Variants in BARD1 observed in about 807,000 individuals in gnomAD.
BARD1 encodes BRCA1-associated RING domain protein 1.
BARD1 carries 73 observed loss-of-function variants against 77.0 expected under a neutral mutation model. The observed-to-expected ratio is 0.95, with a 90% CI of 0.79 to 1.15. The LOEUF (loss-of-function observed/expected upper bound fraction) is 1.15. Among genes scored for constraint, BARD1 ranks in the 50% most tolerant of loss-of-function variants. The pLI is 0.00. For missense variants in BARD1, 993 were observed against 938.8 expected (o/e 1.06, Z -0.75); for synonymous variants, 384 against 338.0 (o/e 1.14, Z -1.49).
chr2:214,734,433 A>G lies in BARD1; in HGVS notation c.1904-3925T>C, dbSNP rs552553008. On this transcript the variant is annotated intron_variant, in intron 9 of 10. Coordinates refer to ENST00000260947, the MANE Select transcript of BARD1 (RefSeq NM_000465.4). ...CTGAGTAGAATTTATTTGATTGTAT[A>G]TAAGTTTATTTTACACCTGTAAATA... 2.0e-5 allele frequency among the ~76,000 whole-genome samples: 3 copies of G among 152,278 alleles called. 1 individual carries two copies. Among genetic ancestry groups the G allele is most frequent in the South Asian group, 4.1e-4 (2 of 4,824 alleles).
rs879253930 is a variant in BARD1, at chr2:214,781,506, A to C, written c.368T>G (p.Leu123Trp). 2.5e-6 allele frequency: 4 copies of C among 1,607,186 alleles called. No homozygotes were observed. Among genetic ancestry groups the C allele is most frequent in the Non-Finnish European group, 3.4e-6 (4 of 1,176,200 alleles). Residue 123 changes from leucine (L) to tryptophan (W), a missense_variant, in exon 4 of 11, where the codon TTG (leucine) becomes TGG (tryptophan). Physicochemically the swap from Leu to Trp is moderately conservative, Grantham distance 61 (BLOSUM62 -2). Coordinates refer to ENST00000260947, the MANE Select transcript of BARD1 (RefSeq NM_000465.4). Reference sequence around the variant, plus strand: ...ACTTTTCCTAGGTTTATCTTCTTTCAAATCTGACAGAAAAAAAGAAAAAGA... The same window carrying C: ...ACTTTTCCTAGGTTTATCTTCTTTCCAATCTGACAGAAAAAAAGAAAAAGA... ...NLLHDNELSD[L>W]KEDKPRKSLF...
In BARD1 at chr2:214,757,721, C is replaced by A. The variant is rs147524683; in HGVS notation, c.1569-5166G>T. ...TACTTTGAAAAAAATGTACCAACAA[C>A]TTTTGGCACTATAGAAACAATGTCC... is the stretch of plus-strand genomic sequence containing the variant. On this transcript the variant is annotated intron_variant, in intron 6 of 10. Transcript: ENST00000260947. 1.9e-3 allele frequency among the ~76,000 whole-genome samples: 286 copies of A among 152,180 alleles called. 1 individual carries two copies. The highest frequency in any genetic ancestry group is 0.011 in the Admixed American group (167 of 15,282).
In BARD1 at chr2:214,769,152, GATAT is replaced by G. The variant is rs1257719867; in HGVS notation, c.1395+76_1395+79del. ...AAAAAGAGTATATGTGGCAGAGGAT[GATAT>G]ATAGACAACTACATAACTATAAACT... On this transcript the variant is annotated intron_variant, in intron 5 of 10. Coordinates refer to ENST00000260947, the MANE Select transcript of BARD1 (RefSeq NM_000465.4). The G allele has an allele frequency of 3.4e-6, 4 of 1,171,768 alleles. No homozygotes were observed. In the East Asian group the frequency reaches 9.5e-5, roughly 28 times the overall value. The allele number at this position is 1,171,768 out of a possible 1,614,324, so 72.6% of individuals were successfully genotyped here. A position where few individuals can be genotyped will look rare whatever the true frequency, so the allele number is the denominator to read the frequency against.
At chr2:214,759,914 TA>T (rs1237023084) in intron 6 of BARD1, among the ~76,000 whole-genome samples, 1 of 152,170 alleles carries the variant, frequency 6.6e-6, no homozygotes, top group African/African-American at 2.4e-5. Context: ...TGCCTTGCCT[TA>T]TAAGGTTTCA....
rs2105987601 is a variant in BARD1, at chr2:214,728,925, G to A, written c.2085C>T (p.Val695=). 2 of 1,614,158 alleles carry A rather than the reference G, an allele frequency of 1.2e-6. No homozygotes were observed. The highest frequency in any genetic ancestry group is 2.2e-5 in the East Asian group (1 of 44,880). The change falls in exon 11 of 11, where the codon GTC becomes GTT. Residue 695 remains valine (V), a synonymous_variant. Transcript: ENST00000260947. Reference sequence around the variant, plus strand: ...TGAGGATCTGGCCCCCACCTGCAGTGACGAGCTTAATAAGGTTGTCCTTTG... The same window carrying A: ...TGAGGATCTGGCCCCCACCTGCAGTAACGAGCTTAATAAGGTTGTCCTTTG... ...HHPKDNLIKL[V]TAGGGQILSR...
At chr2:214,798,471 T>A (rs1695859972) in intron 1 of BARD1, among the ~76,000 whole-genome samples, 1 of 152,020 alleles carries the variant, frequency 6.6e-6, no homozygotes, top group South Asian at 2.1e-4. Flanking sequence ...TACTGAATTC[T>A]ATTTCGTGGC....
chr2:214,759,602 T>C (rs1424739727), intron 6 of BARD1, among the ~76,000 whole-genome samples: 1 of 152,092 alleles, frequency 6.6e-6, no homozygotes, highest in African/African-American at 2.4e-5. Context: ...GCAAGACATA[T>C]AAAAACAGTA....
rs768793837 is a variant in BARD1 at position 214,745,805 on chromosome 2, C to G, written c.1727G>C (p.Gly576Ala). 2 of 1,613,930 alleles carry G rather than the reference C, an allele frequency of 1.2e-6. No individual in the cohort carries two copies. Among genetic ancestry groups the G allele is most frequent in the South Asian group, 1.1e-5 (1 of 91,076 alleles). ...CATTTTCTGTTGTTCTGAAGACAGC[C>G]CACTGCCTATAAGTACAAGAGGTCC... ...RDGPLVLIGS[G>A]LSSEQQKMLS... Residue 576 changes from glycine to alanine, a missense_variant, in exon 8 of 11, where the codon GGG (glycine) becomes GCG (alanine). Coordinates refer to ENST00000260947, the MANE Select transcript of BARD1 (RefSeq NM_000465.4).
At chr2:214,747,409 A>T (rs1693176225) in intron 7 of BARD1, among the ~76,000 whole-genome samples, 1 of 138,922 alleles carries the variant, frequency 7.2e-6, no homozygotes, top group Admixed American at 7.5e-5. Flanking sequence ...ATGCACACGT[A>T]TGTTTACTGC....
At chr2:214,740,397 C>A (rs573019761) in intron 9 of BARD1, among the ~76,000 whole-genome samples, 1 of 134,816 alleles carries the variant, frequency 7.4e-6, no homozygotes, top group Non-Finnish European at 1.6e-5. Flanking sequence ...AAAATTTCAA[C>A]GTATTAATTT....
rs1693737837 is a variant in BARD1, at chr2:214,757,299, T to G, written c.1569-4744A>C. On this transcript the variant is annotated intron_variant, in intron 6 of 10. Coordinates refer to ENST00000260947, the MANE Select transcript of BARD1 (RefSeq NM_000465.4). ...CTGGCAGATTTCACCAGTTTTTTTT[T>G]TTTCTAATGTACTCTTGCGCTATTC... Among the ~76,000 whole-genome samples, 7 of 152,242 alleles carry G rather than the reference T, an allele frequency of 4.6e-5. No individual in the cohort carries two copies. In the South Asian group the frequency reaches 1.2e-3, roughly 27 times the overall value.
At chr2:214,794,595 A>G (rs1695674892) in intron 2 of BARD1, among the ~76,000 whole-genome samples, 1 of 150,994 alleles carries the variant, frequency 6.6e-6, no homozygotes, top group African/African-American at 2.4e-5. Flanking sequence ...ATTTTTTTAA[A>G]AAGTCTCAGT....
Position 214,781,181 on chromosome 2 carries a change from G to A in BARD1, c.693C>T (p.Ser231=), listed in dbSNP as rs2106110948. 6.3e-7 allele frequency: 1 copy of A among 1,586,322 alleles called. No individual in the cohort carries two copies. Among genetic ancestry groups the A allele is most frequent in the East Asian group, 2.2e-5 (1 of 44,748 alleles). ...CCAGCTTTTGCTTAGATTCCTCTTT[G>A]GAGTCAAATTCACCATCTTCTTTTT... ...EAEKEDGEFD[S]KEESKQKLVS... The change falls in exon 4 of 11, where the codon TCC becomes TCT. Residue 231 remains serine (S), a synonymous_variant. Coordinates refer to ENST00000260947, the MANE Select transcript of BARD1 (RefSeq NM_000465.4).
At chr2:214,732,805 G>A (rs1035453955) in intron 9 of BARD1, among the ~76,000 whole-genome samples, 1 of 152,058 alleles carries the variant, frequency 6.6e-6, no homozygotes, top group Non-Finnish European at 1.5e-5. Flanking sequence ...AGACTTTATG[G>A]CATAATCGGT....
At chr2:214,803,109 C>T (rs1350327597) in intron 1 of BARD1, among the ~76,000 whole-genome samples, 1 of 152,114 alleles carries the variant, frequency 6.6e-6, no homozygotes, top group Non-Finnish European at 1.5e-5. Context: ...CTTTGTTAAA[C>T]AGATGCTTGA....
chr2:214,804,758 C>T (rs1244789358), intron 1 of BARD1, among the ~76,000 whole-genome samples: 1 of 152,220 alleles, frequency 6.6e-6, no homozygotes, highest in Non-Finnish European at 1.5e-5. Flanking sequence ...TGTCTTAACT[C>T]TCTGTTCACC....
chr2:214,728,367 T>C lies in BARD1; in HGVS notation c.*309A>G. 1 of 357,572 alleles carries C rather than the reference T, an allele frequency of 2.8e-6. No homozygotes were observed. The highest frequency in any genetic ancestry group is 5.1e-6 in the Non-Finnish European group (1 of 195,176). 22.1% of individuals were successfully genotyped at this position (357,572 alleles called of 1,614,324 possible). A position where few individuals can be genotyped will look rare whatever the true frequency, so the allele number is the denominator to read the frequency against. On this transcript the variant is annotated 3_prime_UTR_variant, in exon 11 of 11. Coordinates refer to ENST00000260947, the MANE Select transcript of BARD1 (RefSeq NM_000465.4). ...AAGACTCAAACAGTAATGATACCAC[T>C]TGTCTATTTAACCAAGATTCTGGTG... is the stretch of plus-strand genomic sequence containing the variant.
chr2:214,743,908 T>G (rs115328071), intron 9 of BARD1, among the ~76,000 whole-genome samples: 7 of 152,306 alleles, frequency 4.6e-5, no homozygotes, highest in Admixed American at 1.3e-4. Context: ...TTATCTCAGG[T>G]AGTCTTGTGT....
intron 9 of BARD1, chr2:214,731,189 G>A (rs1195053061): frequency 4.9e-6 from 1 of 202,244 alleles, no homozygotes; most frequent in Non-Finnish European, 1.0e-5. Context: ...CACAGCTTCA[G>A]GTTAAAAAGC....
Sources: allele counts gnomAD v4.1 joint callset (sites outside exome capture counted in the v4.1 genomes callset), GRCh38; gene constraint gnomAD v4.1.1; transcripts MANE v1.5; gene names NCBI Gene and HGNC (gene_info 2026-07-23, HGNC 2026-07-21).